Variants in CDK6 observed in about 807,000 individuals in gnomAD.
CDK6 encodes the protein cyclin-dependent kinase 6.
In CDK6, 6 loss-of-function variants were observed where a neutral mutation model predicts 37.1. The observed-to-expected ratio is 0.16, with a 90% CI of 0.09 to 0.32. CDK6 has a LOEUF of 0.32. CDK6 is among the 10% of genes least tolerant of loss of function. The pLI, the probability that CDK6 is intolerant of heterozygous loss-of-function variation, is 1.00. For synonymous variants in CDK6, 160 were observed against 161.3 expected, an observed-to-expected ratio of 0.99 and a Z score of 0.06; for missense variants, 224 against 418.9, an observed-to-expected ratio of 0.53 and a Z score of 4.06.
intron 4 of CDK6, among the ~76,000 whole-genome samples, chr7:92,706,136 C>T (rs938586141): frequency 2.0e-5 from 3 of 152,224 alleles, no homozygotes; most frequent in Non-Finnish European, 4.4e-5. Context: ...GGAGAATAAT[C>T]TAACCTATTT....
At chr7:92,832,884 C>T (rs1196956202) in intron 2 of CDK6, among the ~76,000 whole-genome samples, 1 of 152,182 alleles carries the variant, frequency 6.6e-6, no homozygotes, top group Admixed American at 6.5e-5. Context: ...TTTGACTTGT[C>T]TTTCGGCTCG....
At chr7:92,705,263 T>G (rs148054547) in intron 4 of CDK6, among the ~76,000 whole-genome samples, 4 of 152,370 alleles carry the variant, frequency 2.6e-5, no homozygotes, top group African/African-American at 9.6e-5. Flanking sequence ...GTATACTGTG[T>G]ACTTAGAATT....
chr7:92,673,502 G>A (rs2116609042), intron 4 of CDK6, among the ~76,000 whole-genome samples: 1 of 152,274 alleles, frequency 6.6e-6, no homozygotes, highest in African/African-American at 2.4e-5. Context: ...CTGAAACAAT[G>A]TTACTCAAGT....
intron 2 of CDK6, among the ~76,000 whole-genome samples, chr7:92,798,024 C>A (rs190053998): frequency 4.7e-4 from 71 of 152,218 alleles, no homozygotes; most frequent in Admixed American, 1.1e-3. Context: ...CTCAAGTGTG[C>A]TAGGGTGGAA....
intron 2 of CDK6, among the ~76,000 whole-genome samples, chr7:92,775,737 TAAC>T (rs1199298742): frequency 6.6e-6 from 1 of 152,162 alleles, no homozygotes; most frequent in Non-Finnish European, 1.5e-5. Context: ...GTACATTTCT[TAAC>T]AAGAATGTAA....
intron 2 of CDK6, among the ~76,000 whole-genome samples, chr7:92,802,017 T>C (rs1374472519): frequency 8.1e-6 from 1 of 122,994 alleles, no homozygotes; most frequent in African/African-American, 3.1e-5. Context: ...CCTTCCCTCC[T>C]TCCTTTCCTC....
intron 5 of CDK6, among the ~76,000 whole-genome samples, chr7:92,655,186 T>A (rs901241849): frequency 1.3e-5 from 2 of 152,094 alleles, no homozygotes; most frequent in Non-Finnish European, 2.9e-5. Context: ...TAAATGAAAA[T>A]TCTTCCTATA....
At chr7:92,698,716 C>T (rs1191839225) in intron 4 of CDK6, among the ~76,000 whole-genome samples, 1 of 152,180 alleles carries the variant, frequency 6.6e-6, no homozygotes, top group East Asian at 1.9e-4. Context: ...GTGCACTGCA[C>T]CATTGTTCCC....
intron 4 of CDK6, among the ~76,000 whole-genome samples, chr7:92,706,732 G>A (rs1173297603): frequency 1.3e-5 from 2 of 152,276 alleles, no homozygotes; most frequent in East Asian, 3.9e-4. Flanking sequence ...CTGAGATATG[G>A]TGCCTGAAAG....
intron 2 of CDK6, among the ~76,000 whole-genome samples, chr7:92,818,094 TTAAC>T (rs1219275387): frequency 1.3e-5 from 2 of 151,958 alleles, no homozygotes; most frequent in African/African-American, 2.4e-5. Context: ...AATTTTTGTG[TTAAC>T]TAACAAGCTG....
At chr7:92,814,015 C>A (rs897203810) in intron 2 of CDK6, among the ~76,000 whole-genome samples, 1 of 152,128 alleles carries the variant, frequency 6.6e-6, no homozygotes, top group African/African-American at 2.4e-5. Flanking sequence ...AGAATTTATT[C>A]TTTTAAATAA....
At chr7:92,629,239 T>TAG (rs1369378356) in intron 5 of CDK6, among the ~76,000 whole-genome samples, 1 of 152,054 alleles carries the variant, frequency 6.6e-6, no homozygotes, top group Admixed American at 6.6e-5. Context: ...TAACACAAGT[T>TAG]AGAGAGTGTG....
intron 2 of CDK6, among the ~76,000 whole-genome samples, chr7:92,800,789 T>G (rs1172775555): frequency 6.6e-6 from 1 of 152,212 alleles, no homozygotes; most frequent in Non-Finnish European, 1.5e-5. Context: ...TTTGCATCTC[T>G]GGGCCCATCC....
chr7:92,632,933 CTTTT>C (rs397889657), intron 5 of CDK6, among the ~76,000 whole-genome samples: 24,556 of 108,386 alleles, frequency 0.23, 2,485 homozygotes, highest in Middle Eastern at 0.38. Context: ...CTCTAAAGAT[CTTTT>C]TTTTTTTTTT....
At chr7:92,805,286 TG>T (rs1800695899) in intron 2 of CDK6, among the ~76,000 whole-genome samples, 1 of 152,162 alleles carries the variant, frequency 6.6e-6, no homozygotes, top group Non-Finnish European at 1.5e-5. Flanking sequence ...GATGCTGCTT[TG>T]GGGGTTAGTT....
intron 5 of CDK6, among the ~76,000 whole-genome samples, chr7:92,627,030 T>C (rs1795943102): frequency 6.6e-6 from 1 of 152,062 alleles, no homozygotes; most frequent in Non-Finnish European, 1.5e-5. Context: ...ATAGCAGCAT[T>C]ATTCATAATA....
chr7:92,728,763 AT>A (rs538919484), intron 3 of CDK6, among the ~76,000 whole-genome samples: 99 of 150,706 alleles, frequency 6.6e-4, no homozygotes, highest in Admixed American at 1.9e-3. Flanking sequence ...GGCTACTTAA[AT>A]TTTTTTTTTG....
intron 2 of CDK6, among the ~76,000 whole-genome samples, chr7:92,809,845 C>T (rs1800826711): frequency 1.3e-5 from 2 of 152,182 alleles, no homozygotes; most frequent in Non-Finnish European, 2.9e-5. Flanking sequence ...ATATCATTAG[C>T]CAGAGTGTGG....
intron 3 of CDK6, among the ~76,000 whole-genome samples, chr7:92,763,474 T>C (rs1385728905): frequency 2.0e-5 from 3 of 152,210 alleles, no homozygotes; most frequent in Non-Finnish European, 4.4e-5. Context: ...TGATGAACAC[T>C]TTTTTAAAGG....
Sources: gnomAD v4.1 joint callset for allele counts (sites outside exome capture counted in the v4.1 genomes callset) on GRCh38, gnomAD v4.1.1 for gene constraint, MANE v1.5 for transcripts, NCBI Gene and HGNC (gene_info 2026-07-23, HGNC 2026-07-21) for gene names.